The following DNAJC13 variants were observed in gnomAD, a reference collection of about 807,000 sequenced individuals.
DNAJC13 encodes the protein DnaJ heat shock protein family (Hsp40) member C13, also known as dnaJ homolog subfamily C member 13.
In DNAJC13, 75 loss-of-function variants were observed where a neutral mutation model predicts 290.5. That is an observed-to-expected ratio of 0.26 (90% confidence interval 0.21 to 0.31). DNAJC13 has a LOEUF of 0.31. Among genes scored for constraint, DNAJC13 ranks in the 10% least tolerant of loss-of-function variants. The pLI, the probability that DNAJC13 is intolerant of heterozygous loss-of-function variation, is 1.00. For missense variants in DNAJC13, 2,260 were observed against 2,674.5 expected, an observed-to-expected ratio of 0.85 and a Z score of 3.42; for synonymous variants, 862 against 892.0, an observed-to-expected ratio of 0.97 and a Z score of 0.60.
At chr3:132,467,470 T>A in intron 20 of DNAJC13, 157 bp downstream of exon 20, 2 of 653,496 alleles carry the variant, frequency 3.1e-6, no homozygotes, top group Non-Finnish European at 4.8e-6. Context: ...TTATTTTATT[T>A]ATTTATTTAT....
rs1465770276 is a variant in DNAJC13, at chr3:132,456,692, G to A, written c.1209G>A (p.Leu403=). 3.1e-6 allele frequency: 5 copies of A among 1,613,726 alleles called. No individual in the cohort carries two copies. Among genetic ancestry groups the A allele is most frequent in the Non-Finnish European group, 4.2e-6 (5 of 1,179,906 alleles). Residue 403 remains leucine (L), a synonymous_variant, in exon 12 of 56, where the codon CTG becomes CTA. Transcript: ENST00000260818. ...TCTTCTCAGAAAACAAAGAAAAACTGATCAATAATGCCATAACAGCATTAC... is the reference window on the plus strand; with the variant it reads ...TCTTCTCAGAAAACAAAGAAAAACTAATCAATAATGCCATAACAGCATTAC... The part of the protein sequence containing the change: ...DGLFSENKEK[L]INNAITALLS...
rs61731473 is a variant in DNAJC13 at position 132,516,718 on chromosome 3, T to C, written c.5575T>C (p.Leu1859=). ...EAMAKGALIY[L]LDMFCNSTHP... Reference sequence around the variant, plus strand: ...TTCCTTCATAGGTGCTTTGATCTATTTACTGGATATGTTCTGCAATTCAAC... The same window carrying C: ...TTCCTTCATAGGTGCTTTGATCTATCTACTGGATATGTTCTGCAATTCAAC... The change falls in exon 48 of 56, where the codon TTA becomes CTA. Residue 1859 remains leucine (L), a synonymous_variant. Coordinates refer to ENST00000260818, the MANE Select transcript of DNAJC13 (RefSeq NM_015268.4). 1,057 of 1,612,558 alleles carry C rather than the reference T, an allele frequency of 6.6e-4. 7 individuals carry two copies. In the African/African-American group the frequency reaches 0.012, roughly 19 times the overall value.
intron 41 of DNAJC13, among the ~76,000 whole-genome samples, chr3:132,504,535 G>A (rs567582379): frequency 6.6e-6 from 1 of 152,122 alleles, no homozygotes; most frequent in Non-Finnish European, 1.5e-5. Context: ...AAAATTAAAT[G>A]TTGGCATGAG....
intron 45 of DNAJC13, among the ~76,000 whole-genome samples, chr3:132,513,659 T>C (rs1049634236): frequency 6.6e-6 from 1 of 152,130 alleles, no homozygotes; most frequent in Non-Finnish European, 1.5e-5. Context: ...AACCCATGGG[T>C]CTTAAGAGTC....
chr3:132,519,431 A>C (rs1039337261), intron 48 of DNAJC13, among the ~76,000 whole-genome samples: 4 of 152,246 alleles, frequency 2.6e-5, no homozygotes, highest in Non-Finnish European at 5.9e-5. Context: ...TACATCCTTC[A>C]CTAATTTTTA....
In DNAJC13 at chr3:132,526,272, A is replaced by G; in HGVS notation, c.6372A>G (p.Leu2124=). 2 of 1,613,982 alleles carry G rather than the reference A, an allele frequency of 1.2e-6. No individual in the cohort carries two copies. The highest frequency in any genetic ancestry group is 1.7e-6 in the Non-Finnish European group (2 of 1,179,896). The change falls in exon 53 of 56, where the codon TTA becomes TTG. Residue 2124 remains leucine, a synonymous_variant. Transcript: ENST00000260818. The stretch of plus-strand genomic sequence containing the variant: ...TGTTTCAGAAGGAGCAGAGTGAATT[A>G]GTAGCACAAGTAAGTGACTTTCTAG... ...NRMFQKEQSE[L]VAQALKADLV... is the part of the protein sequence containing the mutation.
At chr3:132,446,407 T>G in intron 2 of DNAJC13, 68 bp from the exon 3 acceptor site, 1 of 1,086,264 alleles carries the variant, frequency 9.2e-7, no homozygotes, top group Non-Finnish European at 1.4e-6. Context: ...TGTTTTGTGT[T>G]ATATATATTT....
Position 132,462,530 on chromosome 3 carries a change from G to C in DNAJC13, c.1770+7G>C. On this transcript the variant is annotated splice_region_variant and intron_variant, in intron 16 of 55. Coordinates refer to ENST00000260818, the MANE Select transcript of DNAJC13 (RefSeq NM_015268.4). ...TATGAAGGCAATAATAGAGGTGAGA[G>C]AACAATTTTGAAATTTTAACCTTAC... is the stretch of plus-strand genomic sequence containing the variant. 6.3e-7 allele frequency: 1 copy of C among 1,596,554 alleles called. No homozygotes were observed.
At chr3:132,490,042 A>C (rs1177515875) in intron 31 of DNAJC13, among the ~76,000 whole-genome samples, 1 of 152,212 alleles carries the variant, frequency 6.6e-6, no homozygotes, top group African/African-American at 2.4e-5. Context: ...TGGATGTATG[A>C]ATTACCAAAT....
chr3:132,502,439 A>T lies in DNAJC13; in HGVS notation c.4687A>T (p.Ile1563Phe). 6.2e-7 allele frequency: 1 copy of T among 1,609,932 alleles called. No homozygotes were observed. Among genetic ancestry groups the T allele is most frequent in the Non-Finnish European group, 8.5e-7 (1 of 1,178,494 alleles). The change falls in exon 40 of 56, where the codon ATT becomes TTT. Residue 1563 changes from isoleucine (I) to phenylalanine (F), a missense_variant. By Grantham distance (21) the Ile-to-Phe change is conservative. Transcript: ENST00000260818. ...NYDYTLEESG[I>F]QKSEETNQQE... ...TGACTACACACTAGAAGAGAGTGGC[A>T]TTCAGAAAAGTGAAGAAACAAACCA... is the stretch of plus-strand genomic sequence containing the variant.
chr3:132,456,891 A>G lies in DNAJC13; in HGVS notation c.1349+59A>G. The G allele has an allele frequency of 1.2e-5, 19 of 1,554,556 alleles. No individual in the cohort carries two copies. In the Middle Eastern group the frequency reaches 5.2e-4, roughly 42 times the overall value. The stretch of plus-strand genomic sequence containing the variant: ...AGAATTTGAACTACTCAAAATGGCA[A>G]ATAATGAACGATTCACCTCCTTTTC... On this transcript the variant is annotated intron_variant, in intron 12 of 55. Transcript: ENST00000260818.
At chr3:132,491,138 G>T in intron 32 of DNAJC13, 87 bp downstream of exon 32, 1 of 1,126,786 alleles carries the variant, frequency 8.9e-7, no homozygotes, top group South Asian at 1.8e-5. Flanking sequence ...TAAAAGAAAT[G>T]TTTTCACTAG....
In DNAJC13 at chr3:132,516,477, C is replaced by T; in HGVS notation, c.5541C>T (p.Ile1847=). 1.2e-6 allele frequency: 2 copies of T among 1,613,714 alleles called. No individual in the cohort carries two copies. Among genetic ancestry groups the T allele is most frequent in the Non-Finnish European group, 1.7e-6 (2 of 1,179,758 alleles). Residue 1847 remains isoleucine, a synonymous_variant, in exon 47 of 56, where the codon ATC becomes ATT. Coordinates refer to ENST00000260818, the MANE Select transcript of DNAJC13 (RefSeq NM_015268.4). ...CTTTGACATCGAGTACAAAAATAAT[C>T]AAAGAAGCAATGGCAAAGGGTAATG... ...LYALTSSTKI[I]KEAMAKGALI... is the part of the protein sequence containing the mutation.
At chr3:132,428,175 A>G (rs182582441) in intron 1 of DNAJC13, among the ~76,000 whole-genome samples, 72 of 151,912 alleles carry the variant, frequency 4.7e-4, no homozygotes, top group African/African-American at 1.7e-3. Flanking sequence ...AAATTATTCT[A>G]CCTCTCACTT....
chr3:132,450,557 G>C (rs1933387159), intron 5 of DNAJC13, 90 bp from the exon 6 acceptor site: 1 of 825,014 alleles, frequency 1.2e-6, no homozygotes, highest in African/African-American at 1.7e-5. Context: ...TTAGATTTTT[G>C]GTCGTTTCAA....
chr3:132,470,618 T>C (rs1183407989), intron 20 of DNAJC13, among the ~76,000 whole-genome samples: 7 of 118,336 alleles, frequency 5.9e-5, no homozygotes, highest in African/African-American at 9.9e-5. Context: ...GCGGGGGGGC[T>C]GACCCCCCCA....
intron 3 of DNAJC13, 100 bp downstream of exon 3, chr3:132,446,650 T>C (rs920132947): frequency 7.0e-6 from 5 of 716,970 alleles, no homozygotes; most frequent in East Asian, 2.8e-5. Context: ...TACTTGAAGA[T>C]AGAAATGTCA....
chr3:132,523,058 C>T lies in DNAJC13; in HGVS notation c.5843+61C>T, dbSNP rs1936139873. 4 of 1,598,332 alleles carry T rather than the reference C, an allele frequency of 2.5e-6. No individual in the cohort carries two copies. The South Asian group carries it at 4.5e-5, about 18-fold the overall frequency. On this transcript the variant is annotated intron_variant, in intron 49 of 55. Transcript: ENST00000260818. Reference sequence around the variant, plus strand: ...AAATAAAATCACTGGGAAGGGCAAACATTTCTTACTGTGCCCATCACCTCT... The same window carrying T: ...AAATAAAATCACTGGGAAGGGCAAATATTTCTTACTGTGCCCATCACCTCT...
intron 14 of DNAJC13, 148 bp downstream of exon 14, chr3:132,460,505 A>G: frequency 1.8e-6 from 1 of 552,472 alleles, no homozygotes; most frequent in Non-Finnish European, 3.2e-6. Context: ...GGTCACTGAT[A>G]ATAAAATATT....
Sources: gnomAD v4.1 joint callset for allele counts (sites outside exome capture counted in the v4.1 genomes callset) on GRCh38, gnomAD v4.1.1 for gene constraint, MANE v1.5 for transcripts, NCBI Gene and HGNC (gene_info 2026-07-23, HGNC 2026-07-21) for gene names.